Variants in NPHP4 observed in about 807,000 individuals in gnomAD.
NPHP4 encodes the protein nephrocystin 4, also known as nephrocystin-4.
Under a neutral mutation model 155.8 loss-of-function variants are expected in NPHP4, and 151 were observed. The ratio of observed to expected loss-of-function variants is 0.97; its 90% CI spans 0.85 to 1.11. The LOEUF (loss-of-function observed/expected upper bound fraction) is 1.11, where lower values mean the gene tolerates loss of function less well. Ranked by LOEUF, NPHP4 falls within the 50% of genes least tolerant of loss-of-function variation. The pLI is 0.00. For synonymous variants in NPHP4, 845 were observed against 816.8 expected (o/e 1.03, Z -0.59); for missense variants, 1,956 against 1,925.7 (o/e 1.02, Z -0.29).
chr1:5,988,290 T>C (rs1186500426), intron 1 of NPHP4, among the ~76,000 whole-genome samples: 1 of 152,118 alleles, frequency 6.6e-6, no homozygotes, highest in Non-Finnish European at 1.5e-5. Context: ...CCTCCCTAAC[T>C]AGATCGGGAT....
rs978074916 is a variant in NPHP4 at position 5,888,702 on chromosome 1, C to A, written c.2305-1236G>T. ...TGAAAACAAGGCACCATTTTCCTCC[C>A]AAATCATTATCAAAATGGCCACTGG... On this transcript the variant is annotated intron_variant, in intron 17 of 29. Coordinates refer to ENST00000378156, the MANE Select transcript of NPHP4 (RefSeq NM_015102.5). The A allele has an allele frequency of 1.8e-5, 18 of 996,730 alleles. 1 individual carries two copies. The South Asian group carries it at 2.5e-4, about 14-fold the overall frequency. The allele number at this position is 996,730 out of a possible 1,614,324, so 61.7% of individuals were successfully genotyped here.
At position 5,958,856 on chromosome 1, in the gene NPHP4, C is replaced by CAAA. The variant is rs397705325; in HGVS notation, c.673+2935_673+2937dup. On this transcript the variant is annotated intron_variant, in intron 6 of 29. Coordinates refer to ENST00000378156, the MANE Select transcript of NPHP4 (RefSeq NM_015102.5). Reference sequence around the variant, plus strand: ...CCTGAAGAAGAGCCAGACCCTGTCTCAAAAAAAAAAAAAAAAAGAATTAGA... The same window carrying CAAA: ...CCTGAAGAAGAGCCAGACCCTGTCTCAAAAAAAAAAAAAAAAAAAAGAATTAGA... 1.2e-4 allele frequency among the ~76,000 whole-genome samples: 9 copies of CAAA among 75,874 alleles called. 1 individual carries two copies. Among genetic ancestry groups the CAAA allele is most frequent in the African/African-American group, 3.8e-4 (6 of 15,792 alleles). The allele number at this position is 75,874 out of a possible 152,430, so 49.8% of individuals were successfully genotyped here.
At chr1:5,877,596 C>T (rs1642751324) in intron 19 of NPHP4, 1 of 284,838 alleles carries the variant, frequency 3.5e-6, no homozygotes, top group Non-Finnish European at 6.5e-6. Flanking sequence ...GGGAAGAAGG[C>T]CACGTTCTAG....
intron 6 of NPHP4, among the ~76,000 whole-genome samples, chr1:5,961,283 G>A (rs1162409657): frequency 6.6e-6 from 1 of 152,186 alleles, no homozygotes; most frequent in African/African-American, 2.4e-5. Context: ...GGAAGGGGAC[G>A]GAGCTTCAGC....
rs1322012629 is a variant in NPHP4 at position 5,992,270 on chromosome 1, G to A, written c.-65C>T. 1.3e-5 allele frequency: 2 copies of A among 152,118 alleles called. No homozygotes were observed. The highest frequency in any genetic ancestry group is 3.9e-4 in the East Asian group (2 of 5,148). 9.4% of individuals were successfully genotyped at this position (152,118 alleles called of 1,614,324 possible). On this transcript the variant is annotated 5_prime_UTR_variant, in exon 1 of 30. Coordinates refer to ENST00000378156, the MANE Select transcript of NPHP4 (RefSeq NM_015102.5). The stretch of plus-strand genomic sequence containing the variant: ...TAGGAGACCGACCCGCCGCGGCCGC[G>A]CCGGAGGCCACGGAGCCCACGCTTT...
In NPHP4 at chr1:5,952,731, A is replaced by G. The variant is rs1257592371; in HGVS notation, c.779T>C (p.Leu260Pro). The change falls in exon 7 of 30, where the codon CTG (leucine) becomes CCG (proline). Residue 260 changes from leucine (L) to proline (P), a missense_variant. Leu to Pro is a moderately conservative substitution (Grantham distance 98). Coordinates refer to ENST00000378156, the MANE Select transcript of NPHP4 (RefSeq NM_015102.5). ...GAAGTGGTCCTGGACGTGGAGCTCC[A>G]GCAGCTCTTCCTCAAACTTCTCCAG... Reference protein sequence around the residue: ...PSLEKFEEELLELHVQDHFQE... With the variant: ...PSLEKFEEELPELHVQDHFQE... 5.8e-6 allele frequency: 9 copies of G among 1,556,562 alleles called. No individual in the cohort carries two copies. Among genetic ancestry groups the G allele is most frequent in the Non-Finnish European group, 7.8e-6 (9 of 1,149,990 alleles).
chr1:5,968,411 G>C (rs1199360524), intron 4 of NPHP4, among the ~76,000 whole-genome samples: 5 of 152,252 alleles, frequency 3.3e-5, no homozygotes, highest in African/African-American at 1.2e-4. Context: ...AGACCAGCCT[G>C]GGCAACATAG....
chr1:5,896,876 G>A (rs1570312848), intron 16 of NPHP4, among the ~76,000 whole-genome samples: 1 of 152,278 alleles, frequency 6.6e-6, no homozygotes, highest in East Asian at 1.9e-4. Context: ...CAGAGCCGGT[G>A]AAAGGCCGGA....
chr1:5,967,248 AG>A, intron 5 of NPHP4, 50 bp downstream of exon 5: 1 of 1,400,950 alleles, frequency 7.1e-7, no homozygotes, highest in Admixed American at 1.9e-5. Context: ...GGGAACACTC[AG>A]GGAAGGCACG....
chr1:5,968,108 G>A (rs748933855), intron 4 of NPHP4, among the ~76,000 whole-genome samples: 2 of 151,734 alleles, frequency 1.3e-5, no homozygotes, highest in Non-Finnish European at 2.9e-5. Context: ...CAGAACTTAC[G>A]AGATATGCAT....
chr1:5,991,863 G>C (rs11576872), intron 1 of NPHP4, among the ~76,000 whole-genome samples: 27,267 of 148,322 alleles, frequency 0.18, 2,676 homozygotes, highest in African/African-American at 0.26. Flanking sequence ...AGGGCGCGGG[G>C]AGCCAAGGCC....
chr1:5,919,641 A>G (rs1261820293), intron 11 of NPHP4, among the ~76,000 whole-genome samples: 4 of 152,140 alleles, frequency 2.6e-5, no homozygotes, highest in Non-Finnish European at 5.9e-5. Flanking sequence ...CTAAGATAAA[A>G]TGGTAGAGGC....
At position 5,887,338 on chromosome 1, in the gene NPHP4, G is replaced by C; in HGVS notation, c.2433C>G (p.Ile811Met). The change falls in exon 18 of 30, where the codon ATC becomes ATG. Residue 811 changes from isoleucine to methionine, a missense_variant. Ile to Met is a conservative substitution (Grantham distance 10). Coordinates refer to ENST00000378156, the MANE Select transcript of NPHP4 (RefSeq NM_015102.5). ...GGCCCTTCACCACCGAGTGGACGCC[G>C]ATGGGCTTGACGCGGCCAAACCCCA... is the stretch of plus-strand genomic sequence containing the variant. ...DMLGFGRVKP[I>M]GVHSVVKGRL... The C allele has an allele frequency of 6.2e-7, 1 of 1,613,570 alleles. No homozygotes were observed. Among genetic ancestry groups the C allele is most frequent in the Non-Finnish European group, 8.5e-7 (1 of 1,179,880 alleles).
rs1406675236 is a variant in NPHP4, at chr1:5,968,419, T to C, written c.452+668A>G. 3.9e-5 allele frequency among the ~76,000 whole-genome samples: 6 copies of C among 152,112 alleles called. No individual in the cohort carries two copies. The South Asian group carries it at 8.3e-4, about 21-fold the overall frequency. On this transcript the variant is annotated intron_variant, in intron 4 of 29. Transcript: ENST00000378156. ...GAGTTCAAGACCAGCCTGGGCAACA[T>C]AGGGAGATCCCGTCTCTACTAAAAA...
At chr1:5,891,967 G>A (rs1644151897) in intron 16 of NPHP4, among the ~76,000 whole-genome samples, 2 of 152,342 alleles carry the variant, frequency 1.3e-5, no homozygotes, top group East Asian at 1.9e-4. Context: ...AGGGCCCAGG[G>A]TGGGCCCCAA....
At chr1:5,864,882 G>C in intron 27 of NPHP4, 1 of 566,658 alleles carries the variant, frequency 1.8e-6, no homozygotes, top group Non-Finnish European at 3.2e-6. Flanking sequence ...CAGGAATTCT[G>C]AACACCGGCC....
In NPHP4 at chr1:5,952,803, G is replaced by C; in HGVS notation, c.707C>G (p.Pro236Arg). ...DALRKPRLQK[P>R]ITGHLDDLFF... ...TAAGTCATCCAAGTGCCCCGTGATG[G>C]GCTTCTGGAGGCGAGGCTTTCGGAG... Residue 236 changes from proline to arginine, a missense_variant, in exon 7 of 30, where the codon CCC becomes CGC. Pro to Arg is a moderately radical substitution (Grantham distance 103, BLOSUM62 -2). Coordinates refer to ENST00000378156, the MANE Select transcript of NPHP4 (RefSeq NM_015102.5). 6 of 1,599,098 alleles carry C rather than the reference G, an allele frequency of 3.8e-6. No individual in the cohort carries two copies. The highest frequency in any genetic ancestry group is 5.1e-6 in the Non-Finnish European group (6 of 1,172,996).
intron 23 of NPHP4, among the ~76,000 whole-genome samples, chr1:5,870,897 G>A (rs565167313): frequency 4.4e-4 from 67 of 152,324 alleles, no homozygotes; most frequent in Non-Finnish European, 8.1e-4. Context: ...TGGGCAGCAG[G>A]CTGGTGGGGG....
intron 12 of NPHP4, among the ~76,000 whole-genome samples, chr1:5,907,566 C>G (rs1644971646): frequency 6.6e-6 from 1 of 152,252 alleles, no homozygotes; most frequent in South Asian, 2.1e-4. Context: ...CTGGACTGAG[C>G]ACCTCCAAGG....
Sources: gnomAD v4.1 joint callset for allele counts (sites outside exome capture counted in the v4.1 genomes callset) on GRCh38, gnomAD v4.1.1 for gene constraint, MANE v1.5 for transcripts, NCBI Gene and HGNC (gene_info 2026-07-23, HGNC 2026-07-21) for gene names.